STK40: variants seen among roughly 807,000 people sequenced by gnomAD.
STK40 encodes the protein serine/threonine-protein kinase 40.
A neutral mutation model predicts 47.9 loss-of-function variants in STK40; 13 were observed. The ratio of observed to expected loss-of-function variants is 0.27; its 90% CI spans 0.18 to 0.43. The LOEUF (loss-of-function observed/expected upper bound fraction) is 0.43, where lower values mean the gene tolerates loss of function less well. Ranked by LOEUF, STK40 falls within the 20% of genes least tolerant of loss-of-function variation. STK40 has a pLI of 1.00. For missense variants in STK40, 460 were observed against 595.1 expected, an observed-to-expected ratio of 0.77 and a Z score of 2.36; for synonymous variants, 225 against 243.2, an observed-to-expected ratio of 0.93 and a Z score of 0.69.
At position 36,345,303 on chromosome 1, in the gene STK40, C is replaced by A. The variant is rs575619533; in HGVS notation, c.740-1039G>T. Among the ~76,000 whole-genome samples the A allele has an allele frequency of 5.3e-5, 8 of 152,376 alleles. 1 individual carries two copies. In the South Asian group the frequency reaches 1.7e-3, roughly 32 times the overall value. On this transcript the variant is annotated intron_variant, in intron 7 of 10. Transcript: ENST00000373132. The stretch of plus-strand genomic sequence containing the variant: ...TGGGCAACCAGGGCCCAGTGAAGGG[C>A]AAGCAGTTTAACCGGGAGAGGGTGT...
chr1:36,344,582 G>A (rs761338856), intron 7 of STK40, among the ~76,000 whole-genome samples: 14 of 152,196 alleles, frequency 9.2e-5, no homozygotes, highest in Non-Finnish European at 1.6e-4. Flanking sequence ...AAGAACACTG[G>A]CACAGCAGAT....
chr1:36,347,128 A>C (rs1249809720), intron 7 of STK40, among the ~76,000 whole-genome samples: 3 of 151,892 alleles, frequency 2.0e-5, no homozygotes, highest in Non-Finnish European at 4.4e-5. Flanking sequence ...CAGAAGCGGC[A>C]GCTGGGGGAG....
intron 2 of STK40, among the ~76,000 whole-genome samples, chr1:36,359,558 C>T (rs1488187655): frequency 6.6e-6 from 1 of 152,110 alleles, no homozygotes; most frequent in Non-Finnish European, 1.5e-5. Flanking sequence ...ACTTTCTGTA[C>T]TTCTGGAGAT....
chr1:36,358,949 C>T, intron 2 of STK40, 127 bp from the exon 3 acceptor site: 1 of 963,020 alleles, frequency 1.0e-6, no homozygotes, highest in Non-Finnish European at 1.6e-6. Flanking sequence ...ACTGGACTGA[C>T]CCTCCAAGGT....
chr1:36,367,866 G>C, intron 1 of STK40: 1 of 985,556 alleles, frequency 1.0e-6, no homozygotes, highest in South Asian at 4.7e-5. Flanking sequence ...CATACAGTAA[G>C]GGACTGTCCA....
At chr1:36,353,449 A>G (rs957645030) in intron 6 of STK40, among the ~76,000 whole-genome samples, 8 of 152,056 alleles carry the variant, frequency 5.3e-5, no homozygotes, top group African/African-American at 1.9e-4. Context: ...ACAACCTGAA[A>G]CCAGGGCCGT....
intron 1 of STK40, among the ~76,000 whole-genome samples, chr1:36,383,346 G>C (rs922366662): frequency 6.6e-6 from 1 of 152,246 alleles, no homozygotes; most frequent in African/African-American, 2.4e-5. Flanking sequence ...CCTTCTGAGA[G>C]GGCAGTCTTA....
At chr1:36,342,581 A>AACACAGGCC (rs1247002465) in intron 10 of STK40, 1 of 159,216 alleles carries the variant, frequency 6.3e-6, no homozygotes, top group Non-Finnish European at 1.4e-5. Context: ...TGGGGCTAAG[A>AACACAGGCC]ACACAGGCCA....
chr1:36,382,369 G>A (rs537670510), intron 1 of STK40, among the ~76,000 whole-genome samples: 6 of 151,938 alleles, frequency 3.9e-5, no homozygotes, highest in Admixed American at 2.0e-4. Context: ...TTGTAGAGAC[G>A]GGTTTCGCCA....
chr1:36,351,363 G>T (rs1646751193), intron 6 of STK40, among the ~76,000 whole-genome samples: 1 of 152,180 alleles, frequency 6.6e-6, no homozygotes, highest in South Asian at 2.1e-4. Flanking sequence ...CTCCAGTGGA[G>T]TTATAGCCTG....
At chr1:36,345,040 GCCT>G (rs1446866533) in intron 7 of STK40, among the ~76,000 whole-genome samples, 1 of 152,220 alleles carries the variant, frequency 6.6e-6, no homozygotes, top group Non-Finnish European at 1.5e-5. Flanking sequence ...TCTGCTGCTT[GCCT>G]CCTTTCAGGG....
chr1:36,354,804 G>A (rs957745072), intron 5 of STK40, among the ~76,000 whole-genome samples: 5 of 152,092 alleles, frequency 3.3e-5, no homozygotes, highest in Non-Finnish European at 5.9e-5. Flanking sequence ...CCACAGAAGC[G>A]GCACACCGGG....
chr1:36,379,195 G>C (rs1360035444), intron 1 of STK40, among the ~76,000 whole-genome samples: 1 of 152,214 alleles, frequency 6.6e-6, no homozygotes, highest in East Asian at 1.9e-4. Flanking sequence ...GTAGGTGGCA[G>C]TGTGTAAACA....
chr1:36,380,298 C>T lies in STK40; in HGVS notation c.-9+5425G>A, dbSNP rs749763369. Among the ~76,000 whole-genome samples, 10 of 152,200 alleles carry T rather than the reference C, an allele frequency of 6.6e-5. 1 individual carries two copies. The highest frequency in any genetic ancestry group is 1.0e-4 in the Non-Finnish European group (7 of 68,022). On this transcript the variant is annotated intron_variant, in intron 1 of 10. Coordinates refer to ENST00000373132, the MANE Select transcript of STK40 (RefSeq NM_001282547.2). ...CCAAGGACAAATCATGTAAAAAAAT[C>T]TCCCAAATTCCAAAGGGCCTGTTTG...
chr1:36,380,036 A>G (rs1249308567), intron 1 of STK40, among the ~76,000 whole-genome samples: 2 of 152,192 alleles, frequency 1.3e-5, no homozygotes, highest in Non-Finnish European at 2.9e-5. Flanking sequence ...ATAGCCACAA[A>G]TGACCCAGAC....
chr1:36,370,098 T>C (rs538718194), intron 1 of STK40, among the ~76,000 whole-genome samples: 1 of 152,360 alleles, frequency 6.6e-6, no homozygotes, highest in South Asian at 2.1e-4. Context: ...AAAAGTCCCA[T>C]GTCAGAAATG....
chr1:36,342,869 A>C (rs976867447), intron 10 of STK40: 7 of 364,236 alleles, frequency 1.9e-5, no homozygotes, highest in African/African-American at 1.3e-4. Flanking sequence ...TGCTCGGCCA[A>C]GCCCTGCCCT....
At chr1:36,370,186 C>A (rs754573727) in intron 1 of STK40, among the ~76,000 whole-genome samples, 1 of 152,254 alleles carries the variant, frequency 6.6e-6, no homozygotes, top group African/African-American at 2.4e-5. Flanking sequence ...GAGAGCAACC[C>A]CTACTGAAGA....
At chr1:36,369,593 C>T (rs1187634957) in intron 1 of STK40, among the ~76,000 whole-genome samples, 1 of 152,218 alleles carries the variant, frequency 6.6e-6, no homozygotes, top group Admixed American at 6.5e-5. Context: ...TCCCTTGGTC[C>T]TCACTGAAAT....
Sources: allele counts gnomAD v4.1 joint callset (sites outside exome capture counted in the v4.1 genomes callset), GRCh38; gene constraint gnomAD v4.1.1; transcripts MANE v1.5; gene names NCBI Gene and HGNC (gene_info 2026-07-23, HGNC 2026-07-21).